The following CACNG2 variants were observed in gnomAD, a reference collection of about 807,000 sequenced individuals.
The protein encoded by CACNG2 is voltage-dependent calcium channel gamma-2 subunit.
CACNG2 carries 3 observed loss-of-function variants against 25.9 expected under a neutral mutation model. That is an observed-to-expected ratio of 0.12 (90% confidence interval 0.05 to 0.30). CACNG2 has a LOEUF of 0.30. Ranked by LOEUF, CACNG2 falls within the 10% of genes least tolerant of loss-of-function variation. The pLI is 1.00. For synonymous variants in CACNG2, 167 were observed against 173.3 expected, an observed-to-expected ratio of 0.96 and a Z score of 0.29; for missense variants, 341 against 432.5, an observed-to-expected ratio of 0.79 and a Z score of 1.88.
Position 36,654,400 on chromosome 22 carries a change from A to AT in CACNG2, c.211+47965dup, listed in dbSNP as rs11326369. ...GCCACCACGCCTGGCTAATTTATTA[A>AT]TTTTTTTTTTTGGTAGAGACAGAGT... On this transcript the variant is annotated intron_variant, in intron 1 of 3. Coordinates refer to ENST00000300105, the MANE Select transcript of CACNG2 (RefSeq NM_006078.5). 2.1e-3 allele frequency among the ~76,000 whole-genome samples: 309 copies of AT among 148,082 alleles called. 1 individual carries two copies. The highest frequency in any genetic ancestry group is 6.1e-3 in the East Asian group (31 of 5,086).
chr22:36,689,820 G>A (rs927026376), intron 1 of CACNG2, among the ~76,000 whole-genome samples: 1 of 152,236 alleles, frequency 6.6e-6, no homozygotes, highest in African/African-American at 2.4e-5. Flanking sequence ...CATGCTTCCC[G>A]AACTGGGGTC....
At chr22:36,605,843 C>T (rs1459479342) in intron 1 of CACNG2, among the ~76,000 whole-genome samples, 1 of 152,176 alleles carries the variant, frequency 6.6e-6, no homozygotes, top group African/African-American at 2.4e-5. Flanking sequence ...AGAGCCTGCC[C>T]AAGGAGCTAT....
intron 1 of CACNG2, among the ~76,000 whole-genome samples, chr22:36,681,170 C>T (rs2146003855): frequency 6.6e-6 from 1 of 152,090 alleles, no homozygotes; most frequent in South Asian, 2.1e-4. Flanking sequence ...GTTGTATTTC[C>T]ATGGCTCTTC....
intron 1 of CACNG2, among the ~76,000 whole-genome samples, chr22:36,628,525 C>T (rs1212499727): frequency 6.6e-6 from 1 of 152,204 alleles, no homozygotes; most frequent in African/African-American, 2.4e-5. Flanking sequence ...TTCTGCTTTC[C>T]TAGTGGAAAT....
intron 1 of CACNG2, among the ~76,000 whole-genome samples, chr22:36,659,618 G>A (rs531508830): frequency 1.4e-5 from 2 of 147,406 alleles, no homozygotes; most frequent in South Asian, 4.6e-4. Flanking sequence ...GGCCAAAGAA[G>A]CAGGACCTGG....
At chr22:36,608,011 C>T (rs190182140) in intron 1 of CACNG2, among the ~76,000 whole-genome samples, 1 of 152,188 alleles carries the variant, frequency 6.6e-6, no homozygotes, top group Admixed American at 6.5e-5. Context: ...GCATCTCCAA[C>T]TTTGCACCTT....
At chr22:36,691,607 G>T (rs971339681) in intron 1 of CACNG2, among the ~76,000 whole-genome samples, 1 of 152,292 alleles carries the variant, frequency 6.6e-6, no homozygotes, top group East Asian at 1.9e-4. Flanking sequence ...CTGTACACAG[G>T]TTTTGGGGTT....
At chr22:36,623,011 G>GATTTTTTTTTTTTTTTTTTTTTTTTTT (rs1569032646) in intron 1 of CACNG2, among the ~76,000 whole-genome samples, 1 of 93,224 alleles carries the variant, frequency 1.1e-5, no homozygotes. Context: ...TCAAAACATG[G>GATTTTTTTTTTTTTTTTTTTTTTTTTT]GTTTTTTTTT....
chr22:36,621,922 G>A (rs1331600686), intron 1 of CACNG2, among the ~76,000 whole-genome samples: 1 of 152,228 alleles, frequency 6.6e-6, no homozygotes, highest in Non-Finnish European at 1.5e-5. Context: ...CTGTTTTCCA[G>A]CATGTTGGTT....
intron 1 of CACNG2, among the ~76,000 whole-genome samples, chr22:36,675,602 G>C (rs952938570): frequency 6.6e-6 from 1 of 152,198 alleles, no homozygotes; most frequent in Non-Finnish European, 1.5e-5. Flanking sequence ...GAGCCTGCTG[G>C]GCTATGTTAA....
At chr22:36,668,683 G>A (rs903492879) in intron 1 of CACNG2, among the ~76,000 whole-genome samples, 1 of 150,956 alleles carries the variant, frequency 6.6e-6, no homozygotes, top group East Asian at 1.9e-4. Flanking sequence ...TTTGGTAGAG[G>A]CAGGGCTTTA....
intron 1 of CACNG2, among the ~76,000 whole-genome samples, chr22:36,680,291 T>C (rs951134971): frequency 6.7e-6 from 1 of 149,240 alleles, no homozygotes; most frequent in African/African-American, 2.5e-5. Context: ...ACCACCACCT[T>C]CATGATCACT....
intron 1 of CACNG2, among the ~76,000 whole-genome samples, chr22:36,633,920 C>T (rs866209138): frequency 6.6e-6 from 1 of 152,146 alleles, no homozygotes; most frequent in African/African-American, 2.4e-5. Context: ...TTGGGTTATA[C>T]ATGAAATTAA....
intron 2 of CACNG2, 146 bp downstream of exon 2, chr22:36,587,319 G>C (rs1038380467): frequency 1.4e-6 from 1 of 728,878 alleles, no homozygotes; most frequent in Non-Finnish European, 2.5e-6. Flanking sequence ...ATGAAGGTCT[G>C]TACTCCGGAA....
intron 1 of CACNG2, among the ~76,000 whole-genome samples, chr22:36,590,873 C>T (rs923509130): frequency 4.6e-5 from 7 of 152,118 alleles, no homozygotes; most frequent in Non-Finnish European, 8.8e-5. Flanking sequence ...TGCCATGCTC[C>T]CTCCTACCTC....
intron 1 of CACNG2, among the ~76,000 whole-genome samples, chr22:36,700,756 T>C (rs553258514): frequency 5.3e-5 from 8 of 152,194 alleles, no homozygotes; most frequent in Non-Finnish European, 1.5e-5. Flanking sequence ...ATTTTCTGGC[T>C]GGGGAAGAGC....
Position 36,566,265 on chromosome 22 carries a change from C to T in CACNG2, c.436+88G>A. On this transcript the variant is annotated intron_variant, in intron 3 of 3. Coordinates refer to ENST00000300105, the MANE Select transcript of CACNG2 (RefSeq NM_006078.5). The stretch of plus-strand genomic sequence containing the variant: ...CTTGGAGATTTCCTCTCCTCTCTCC[C>T]CATCTCTCTCTGCCAGGCCCTCGTG... The T allele has an allele frequency of 2.3e-6, 3 of 1,309,932 alleles. No homozygotes were observed. The Admixed American group carries it at 5.0e-5, about 22-fold the overall frequency. The allele number at this position is 1,309,932 out of a possible 1,614,324, so 81.1% of individuals were successfully genotyped here.
In CACNG2 at chr22:36,666,408, A is replaced by AAAAT. The variant is rs552569400; in HGVS notation, c.211+35954_211+35957dup. On this transcript the variant is annotated intron_variant, in intron 1 of 3. Transcript: ENST00000300105. Reference sequence around the variant, plus strand: ...GGGTGACAGAGTGAAACCCAGTCTCAAAATAAATAAATAAATAAATAAATA... The same window carrying AAAAT: ...GGGTGACAGAGTGAAACCCAGTCTCAAAATAAATAAATAAATAAATAAATAAATA... Among the ~76,000 whole-genome samples the AAAAT allele has an allele frequency of 9.0e-4, 120 of 133,678 alleles. 2 individuals carry two copies. The South Asian group carries it at 0.014, about 15-fold the overall frequency. The allele number at this position is 133,678 out of a possible 152,430, so 87.7% of individuals were successfully genotyped here.
chr22:36,605,448 T>G (rs9622429), intron 1 of CACNG2, among the ~76,000 whole-genome samples: 29,459 of 152,176 alleles, frequency 0.19, 3,622 homozygotes, highest in Admixed American at 0.28. Flanking sequence ...TCTGGTGTAT[T>G]GTGGTGATCC....
Sources: gnomAD v4.1 joint callset for allele counts (sites outside exome capture counted in the v4.1 genomes callset) on GRCh38, gnomAD v4.1.1 for gene constraint, MANE v1.5 for transcripts, NCBI Gene and HGNC (gene_info 2026-07-23, HGNC 2026-07-21) for gene names.